The following EHBP1 variants were observed in gnomAD, a reference collection of about 807,000 sequenced individuals.
EHBP1 encodes EH domain-binding protein 1.
In EHBP1, 55 loss-of-function variants were observed where a neutral mutation model predicts 144.0. That is an observed-to-expected ratio of 0.38 (90% CI 0.31 to 0.48). The LOEUF (loss-of-function observed/expected upper bound fraction) is 0.48. Among genes scored for constraint, EHBP1 ranks in the 20% least tolerant of loss-of-function variants. The probability of loss-of-function intolerance (pLI) is 0.98; values close to 1 mark genes in which losing one functional copy is unlikely to be tolerated. For missense variants in EHBP1, 1,200 were observed against 1,364.2 expected, an observed-to-expected ratio of 0.88 and a Z score of 1.90; for synonymous variants, 469 against 472.7, an observed-to-expected ratio of 0.99 and a Z score of 0.10.
chr2:62,734,927 G>T (rs2037973977), intron 2 of EHBP1, among the ~76,000 whole-genome samples: 1 of 152,044 alleles, frequency 6.6e-6, no homozygotes, highest in Admixed American at 6.5e-5. Context: ...TGAGATGGAG[G>T]TCTCACTCTG....
Position 62,805,699 on chromosome 2 carries a change from T to C in EHBP1, c.313-20388T>C, listed in dbSNP as rs143156506. Among the ~76,000 whole-genome samples the C allele has an allele frequency of 2.4e-3, 367 of 152,196 alleles. 2 individuals are homozygous for C. The highest frequency in any genetic ancestry group is 8.3e-3 in the African/African-American group (345 of 41,530). On this transcript the variant is annotated intron_variant, in intron 5 of 22. Transcript: ENST00000431489. ...CTGACTAATTGTTTTGTATTTTTGT[T>C]GGAGACAGGATTTCACCGTGTTGGC... is the stretch of plus-strand genomic sequence containing the variant.
chr2:62,820,740 ATATATATAT>A (rs2045907920), intron 5 of EHBP1, among the ~76,000 whole-genome samples: 6 of 33,480 alleles, frequency 1.8e-4, no homozygotes, highest in Non-Finnish European at 3.7e-4. Flanking sequence ...TGTGTATAAT[ATATATATAT>A]ATATATATAT....
At chr2:62,884,446 G>A (rs2051744644) in intron 10 of EHBP1, among the ~76,000 whole-genome samples, 1 of 152,190 alleles carries the variant, frequency 6.6e-6, no homozygotes. Context: ...GCCCCGTGGG[G>A]TTTTATCAGG....
At chr2:62,794,297 T>C (rs1380041271) in intron 5 of EHBP1, among the ~76,000 whole-genome samples, 1 of 152,064 alleles carries the variant, frequency 6.6e-6, no homozygotes, top group Non-Finnish European at 1.5e-5. Flanking sequence ...TAAATCAAAA[T>C]AGGTGTTGTG....
chr2:62,994,614 A>G (rs999053742), intron 18 of EHBP1, among the ~76,000 whole-genome samples: 1 of 152,074 alleles, frequency 6.6e-6, no homozygotes, highest in African/African-American at 2.4e-5. Context: ...TTTAACTTGA[A>G]TTTTTGTCTG....
chr2:63,044,975 T>C lies in EHBP1; in HGVS notation c.3278-91T>C, dbSNP rs2061881743. The stretch of plus-strand genomic sequence containing the variant: ...CTATAATGTGGTTTGCTGAGAAATA[T>C]AAGGAAACTGGAAAAGGCGGGAAGG... On this transcript the variant is annotated intron_variant, in intron 21 of 22. Coordinates refer to ENST00000431489, the MANE Select transcript of EHBP1 (RefSeq NM_001142616.3). 5 of 944,018 alleles carry C rather than the reference T, an allele frequency of 5.3e-6. No homozygotes were observed. In the Admixed American group the frequency reaches 7.4e-5, roughly 14 times the overall value. The allele number at this position is 944,018 out of a possible 1,614,324, so 58.5% of individuals were successfully genotyped here.
chr2:62,900,526 T>C (rs1339456841), intron 10 of EHBP1, among the ~76,000 whole-genome samples: 1 of 151,494 alleles, frequency 6.6e-6, no homozygotes, highest in Admixed American at 6.6e-5. Context: ...GAGGCTCAAG[T>C]GGGAGGATCA....
intron 1 of EHBP1, among the ~76,000 whole-genome samples, chr2:62,688,643 G>T (rs1489474102): frequency 6.6e-6 from 1 of 151,570 alleles, no homozygotes; most frequent in Non-Finnish European, 1.5e-5. Context: ...ATGCTTCCCA[G>T]CCTCTAGTAT....
intron 3 of EHBP1, among the ~76,000 whole-genome samples, chr2:62,761,742 C>A (rs1181121815): frequency 1.3e-5 from 2 of 152,136 alleles, no homozygotes; most frequent in African/African-American, 4.8e-5. Context: ...TAGCAATTCT[C>A]CCTTCTCTCT....
At chr2:62,879,586 CACACAG>C (rs2051205217) in intron 10 of EHBP1, among the ~76,000 whole-genome samples, 1 of 147,870 alleles carries the variant, frequency 6.8e-6, no homozygotes, top group Middle Eastern at 3.3e-3. Flanking sequence ...CACACACACA[CACACAG>C]AGACAGAGAG....
chr2:62,931,880 G>T (rs906378155), intron 10 of EHBP1, among the ~76,000 whole-genome samples: 3 of 152,020 alleles, frequency 2.0e-5, no homozygotes, highest in Non-Finnish European at 4.4e-5. Context: ...TCCCCTGGGG[G>T]TCTTAGAACA....
chr2:62,759,108 G>GTGT lies in EHBP1; in HGVS notation c.163-5155_163-5153dup, dbSNP rs1466467205. ...TTATAGAGTCACCCAAAATTGAGAA[G>GTGT]TGTTGCCTTTTTCCAAGTTGGTTTT... On this transcript the variant is annotated intron_variant, in intron 3 of 22. Coordinates refer to ENST00000431489, the MANE Select transcript of EHBP1 (RefSeq NM_001142616.3). Among the ~76,000 whole-genome samples, 3 of 152,204 alleles carry GTGT rather than the reference G, an allele frequency of 2.0e-5. No individual in the cohort carries two copies. The East Asian group carries it at 5.8e-4, about 29-fold the overall frequency.
chr2:62,701,898 G>T (rs749780023), upstream of EHBP1, among the ~76,000 whole-genome samples: 3 of 152,116 alleles, frequency 2.0e-5, no homozygotes, highest in Non-Finnish European at 2.9e-5. Context: ...AACCTACAGT[G>T]TTATTATTGG....
intron 10 of EHBP1, among the ~76,000 whole-genome samples, chr2:62,888,491 T>C (rs2052135145): frequency 6.6e-6 from 1 of 152,188 alleles, no homozygotes; most frequent in African/African-American, 2.4e-5. Flanking sequence ...AGTAACTGAA[T>C]TAAAGTGCCT....
intron 14 of EHBP1, among the ~76,000 whole-genome samples, chr2:62,972,655 A>G (rs530267752): frequency 6.6e-6 from 1 of 152,266 alleles, no homozygotes; most frequent in Admixed American, 6.5e-5. Context: ...CAAACAACAC[A>G]GATATGCCAT....
chr2:62,749,356 G>A (rs2039458322), intron 3 of EHBP1, among the ~76,000 whole-genome samples: 2 of 152,190 alleles, frequency 1.3e-5, no homozygotes, highest in Non-Finnish European at 2.9e-5. Context: ...TGGTGTCTAT[G>A]TGCCACATTT....
chr2:62,932,825 G>A (rs941240367), intron 10 of EHBP1, among the ~76,000 whole-genome samples: 3 of 151,812 alleles, frequency 2.0e-5, no homozygotes, highest in African/African-American at 7.3e-5. Context: ...ATGATGGCAT[G>A]AGCCTGTAAT....
chr2:62,987,846 A>T (rs992068688), intron 15 of EHBP1: 1 of 730,866 alleles, frequency 1.4e-6, no homozygotes, highest in Admixed American at 3.0e-5. Context: ...CTATACTAAA[A>T]TACTGGTTTT....
intron 7 of EHBP1, among the ~76,000 whole-genome samples, chr2:62,836,386 T>TG (rs1452953118): frequency 7.4e-6 from 1 of 134,494 alleles, no homozygotes; most frequent in Non-Finnish European, 1.6e-5. Context: ...ACCACAAAGA[T>TG]GGGGAAAAAA....
Sources: gnomAD v4.1 joint callset for allele counts (sites outside exome capture counted in the v4.1 genomes callset) on GRCh38, gnomAD v4.1.1 for gene constraint, MANE v1.5 for transcripts, NCBI Gene and HGNC (gene_info 2026-07-23, HGNC 2026-07-21) for gene names.